AKAP7: variants seen among roughly 807,000 people sequenced by gnomAD.
AKAP7 encodes A kinase (PRKA) anchor protein 7.
Under a neutral mutation model 39.5 loss-of-function variants are expected in AKAP7, and 39 were observed. That is an observed-to-expected ratio of 0.99 (90% CI 0.76 to 1.29). The LOEUF (loss-of-function observed/expected upper bound fraction) is 1.29, where lower values mean the gene tolerates loss of function less well. Ranked by LOEUF, AKAP7 falls within the 50% of genes most tolerant of loss-of-function variation. The pLI, the probability that AKAP7 is intolerant of heterozygous loss-of-function variation, is 0.00. For synonymous variants in AKAP7, 140 were observed against 139.1 expected (o/e 1.01, Z -0.05); for missense variants, 414 against 407.7 (o/e 1.02, Z -0.13).
intron 7 of AKAP7, among the ~76,000 whole-genome samples, chr6:131,270,092 T>A (rs561880614): frequency 1.3e-5 from 2 of 152,300 alleles, no homozygotes; most frequent in South Asian, 4.1e-4. Context: ...TTGTTTTTCA[T>A]TGAGGTATAA....
chr6:131,184,198 A>G, intron 5 of AKAP7: 1 of 389,674 alleles, frequency 2.6e-6, no homozygotes, highest in South Asian at 2.1e-5. Context: ...AAGGCAGGCT[A>G]GAACAACCAC....
intron 7 of AKAP7, among the ~76,000 whole-genome samples, chr6:131,230,318 A>G (rs901549018): frequency 1.1e-4 from 17 of 152,046 alleles, no homozygotes; most frequent in Non-Finnish European, 2.1e-4. Flanking sequence ...ATCTCATTGC[A>G]GTTTTGATTT....
At chr6:131,150,038 C>G (rs1180552924) in intron 2 of AKAP7, among the ~76,000 whole-genome samples, 3 of 152,180 alleles carry the variant, frequency 2.0e-5, no homozygotes, top group African/African-American at 7.2e-5. Context: ...AGGCTAGTCT[C>G]AAACTCCTGG....
chr6:131,193,040 G>T (rs1806569714), intron 5 of AKAP7, among the ~76,000 whole-genome samples: 1 of 152,022 alleles, frequency 6.6e-6, no homozygotes. Context: ...AGGATAATTT[G>T]ACTTCTTCTT....
At chr6:131,129,512 T>C in the AKAP7 span, among the ~76,000 whole-genome samples, 1 of 152,184 alleles carries the variant, frequency 6.6e-6, no homozygotes, top group Non-Finnish European at 1.5e-5. Flanking sequence ...TACATTTTAT[T>C]CCATAAGTTT....
rs1010067601 is a variant in AKAP7 at position 131,259,977 on chromosome 6, G to A, written c.851-21553G>A. ...CCTCATCCACCCAACAGGCCCCAGT[G>A]TGTGCTGTTCCCCTCCCTGTGTACA... On this transcript the variant is annotated intron_variant, in intron 7 of 7. Transcript: ENST00000431975. Among the ~76,000 whole-genome samples, 11 of 151,996 alleles carry A rather than the reference G, an allele frequency of 7.2e-5. No individual in the cohort carries two copies. In the South Asian group the frequency reaches 1.0e-3, roughly 14 times the overall value.
At chr6:131,254,075 G>A (rs1394657103) in intron 7 of AKAP7, among the ~76,000 whole-genome samples, 1 of 152,112 alleles carries the variant, frequency 6.6e-6, no homozygotes, top group African/African-American at 2.4e-5. Flanking sequence ...ATTAATTAGT[G>A]CAGCACAAAA....
intron 5 of AKAP7, among the ~76,000 whole-genome samples, chr6:131,183,094 T>C (rs1254580908): frequency 6.6e-6 from 1 of 152,116 alleles, no homozygotes. Context: ...AGCAGAGGGC[T>C]CTGTGTAAAA....
chr6:131,167,654 A>G (rs771573102), intron 4 of AKAP7, among the ~76,000 whole-genome samples: 6 of 152,178 alleles, frequency 3.9e-5, no homozygotes, highest in Non-Finnish European at 8.8e-5. Flanking sequence ...ACATAGATAT[A>G]CTAAAGTATA....
chr6:131,241,006 C>T (rs547736582), intron 7 of AKAP7, among the ~76,000 whole-genome samples: 25 of 152,310 alleles, frequency 1.6e-4, no homozygotes, highest in Admixed American at 2.6e-4. Flanking sequence ...CCGTCTTCTG[C>T]GTCGCTCACG....
chr6:131,135,662 C>T lies in AKAP7; in HGVS notation c.-102C>T, dbSNP rs910288025. On this transcript the variant is annotated 5_prime_UTR_variant, in exon 1 of 8. Coordinates refer to ENST00000431975, the MANE Select transcript of AKAP7 (RefSeq NM_016377.4). ...CAGCGCACCGCCCTCAGGCCCCGAG[C>T]CCCGCCCTGGCCTCCGCCTCGGCCT... The T allele has an allele frequency of 1.8e-5, 18 of 1,019,574 alleles. No individual in the cohort carries two copies. The highest frequency in any genetic ancestry group is 2.0e-5 in the Non-Finnish European group (17 of 843,860). The allele number at this position is 1,019,574 out of a possible 1,614,324, so 63.2% of individuals were successfully genotyped here.
intron 7 of AKAP7, among the ~76,000 whole-genome samples, chr6:131,235,685 C>T (rs1465978868): frequency 1.3e-5 from 2 of 152,086 alleles, no homozygotes; most frequent in South Asian, 2.1e-4. Flanking sequence ...TTTCATGTGT[C>T]TTTTGGCTGC....
At chr6:131,279,349 A>AAGTGAT (rs1815016468) in intron 7 of AKAP7, among the ~76,000 whole-genome samples, 1 of 152,112 alleles carries the variant, frequency 6.6e-6, no homozygotes, top group Non-Finnish European at 1.5e-5. Flanking sequence ...GCTCACTGCA[A>AAGTGAT]CCTCTGCCTC....
chr6:131,265,774 T>C (rs1179289188), intron 7 of AKAP7, among the ~76,000 whole-genome samples: 1 of 152,196 alleles, frequency 6.6e-6, no homozygotes, highest in African/African-American at 2.4e-5. Context: ...GTTTTTAGTT[T>C]TGTAGACTTC....
intron 7 of AKAP7, among the ~76,000 whole-genome samples, chr6:131,250,860 C>T (rs1186066026): frequency 6.6e-6 from 1 of 152,122 alleles, no homozygotes; most frequent in Non-Finnish European, 1.5e-5. Flanking sequence ...TCTGATTCTC[C>T]TCTGTTGGTA....
At chr6:131,156,260 T>A (rs1243281504) in intron 2 of AKAP7, among the ~76,000 whole-genome samples, 6 of 152,180 alleles carry the variant, frequency 3.9e-5, no homozygotes, top group African/African-American at 1.2e-4. Flanking sequence ...GCTAGGAACT[T>A]ATTTAGAATT....
At chr6:131,273,245 A>T (rs1446697698) in intron 7 of AKAP7, among the ~76,000 whole-genome samples, 1 of 152,106 alleles carries the variant, frequency 6.6e-6, no homozygotes. Context: ...GGTACACATC[A>T]TAGTTGATTC....
At chr6:131,190,922 C>A (rs1392216831) in intron 5 of AKAP7, among the ~76,000 whole-genome samples, 1 of 152,100 alleles carries the variant, frequency 6.6e-6, no homozygotes, top group Non-Finnish European at 1.5e-5. Context: ...TCCCAGGAGA[C>A]CAAAATAACT....
At chr6:131,158,407 G>A (rs1018729271) in intron 2 of AKAP7, among the ~76,000 whole-genome samples, 3 of 152,198 alleles carry the variant, frequency 2.0e-5, no homozygotes, top group African/African-American at 7.2e-5. Context: ...GAATAGGATT[G>A]AATGTAAGGT....
Sources: gnomAD v4.1 joint callset for allele counts (sites outside exome capture counted in the v4.1 genomes callset) on GRCh38, gnomAD v4.1.1 for gene constraint, MANE v1.5 for transcripts, NCBI Gene and HGNC (gene_info 2026-07-23, HGNC 2026-07-21) for gene names.